Variants in ATXN1 observed in about 807,000 individuals in gnomAD.
ATXN1 encodes ataxin-1.
Under a neutral mutation model 56.4 loss-of-function variants are expected in ATXN1, and 8 were observed. That is an observed-to-expected ratio of 0.14 (90% confidence interval 0.08 to 0.26). The LOEUF (loss-of-function observed/expected upper bound fraction) is 0.26, where lower values mean the gene tolerates loss of function less well. Ranked by LOEUF, ATXN1 falls within the 10% of genes least tolerant of loss-of-function variation. The pLI is 1.00. For synonymous variants in ATXN1, 514 were observed against 494.6 expected (o/e 1.04, Z -0.52); for missense variants, 987 against 1,106.5 (o/e 0.89, Z 1.53).
In ATXN1 at chr6:16,753,248, C is replaced by T. The variant is rs1434465804; in HGVS notation, c.-630G>A. 6.6e-6 allele frequency: 3 copies of T among 456,678 alleles called. No individual in the cohort carries two copies. The highest frequency in any genetic ancestry group is 1.3e-5 in the Non-Finnish European group (3 of 226,994). 28.3% of individuals were successfully genotyped at this position (456,678 alleles called of 1,614,324 possible). On this transcript the variant is annotated 5_prime_UTR_variant, in exon 2 of 8. The change creates a new upstream start codon in the 5' untranslated region. Transcript: ENST00000436367. ...AAACTCTCACCTGACATGTGATGCA[C>T]TTCCCTGTAGTGGCAGTGGAGGAGG... is the stretch of plus-strand genomic sequence containing the variant.
chr6:16,669,667 CTTT>C (rs11356086), intron 2 of ATXN1, among the ~76,000 whole-genome samples: 172 of 113,124 alleles, frequency 1.5e-3, no homozygotes, highest in Non-Finnish European at 2.0e-3. Context: ...ACTGAACAAT[CTTT>C]TTTTTTTTTT....
intron 6 of ATXN1, among the ~76,000 whole-genome samples, chr6:16,474,999 AACC>A (rs1760298772): frequency 6.6e-6 from 1 of 152,224 alleles, no homozygotes; most frequent in African/African-American, 2.4e-5. Context: ...TAGACACGGT[AACC>A]ACATCAAAAT....
chr6:16,710,756 T>A (rs1261768728), intron 2 of ATXN1, among the ~76,000 whole-genome samples: 1 of 144,610 alleles, frequency 6.9e-6, no homozygotes, highest in African/African-American at 2.6e-5. Flanking sequence ...CCCAGCTGAT[T>A]TTTGTATTTT....
At chr6:16,411,459 G>A (rs578028831) in intron 6 of ATXN1, among the ~76,000 whole-genome samples, 2 of 152,176 alleles carry the variant, frequency 1.3e-5, no homozygotes, top group African/African-American at 4.8e-5. Context: ...GCCCAGGGTT[G>A]TTGGTGCCAA....
At chr6:16,590,592 A>G (rs1041160044) in intron 3 of ATXN1, among the ~76,000 whole-genome samples, 2 of 152,192 alleles carry the variant, frequency 1.3e-5, no homozygotes, top group African/African-American at 2.4e-5. Context: ...CCCAAAGCAA[A>G]TCATTTTTCT....
chr6:16,405,208 A>G (rs1177045569), intron 6 of ATXN1, among the ~76,000 whole-genome samples: 4 of 152,246 alleles, frequency 2.6e-5, no homozygotes, highest in Non-Finnish European at 5.9e-5. Context: ...TCACAGGCAC[A>G]AACAACTCTG....
At chr6:16,607,266 T>A (rs890047020) in intron 3 of ATXN1, among the ~76,000 whole-genome samples, 2 of 152,240 alleles carry the variant, frequency 1.3e-5, no homozygotes, top group African/African-American at 4.8e-5. Context: ...AGTTTCTACA[T>A]CTGTGAAGTG....
At chr6:16,739,518 G>A (rs890593669) in intron 2 of ATXN1, 3 of 234,238 alleles carry the variant, frequency 1.3e-5, no homozygotes, top group African/African-American at 2.2e-5. Flanking sequence ...AAATGGATGG[G>A]TGCCTTTTTT....
chr6:16,550,203 C>T (rs1761895790), intron 4 of ATXN1, among the ~76,000 whole-genome samples: 1 of 150,862 alleles, frequency 6.6e-6, no homozygotes, highest in South Asian at 2.1e-4. Flanking sequence ...TATGGACACA[C>T]CCTAGCAAGT....
intron 6 of ATXN1, among the ~76,000 whole-genome samples, chr6:16,373,158 CTGAGACTCATTCTATTCCTGAAAG>C (rs1279483330): frequency 1.3e-5 from 2 of 152,144 alleles, no homozygotes. Flanking sequence ...ACATGTCTGC[CTGAGACTCATTCTATTCCTGAAAG>C]TCTGAAACCA....
chr6:16,621,732 T>C (rs1341285016), intron 3 of ATXN1, among the ~76,000 whole-genome samples: 2 of 151,962 alleles, frequency 1.3e-5, no homozygotes, highest in Non-Finnish European at 2.9e-5. Context: ...AAACAAAGAA[T>C]TAAACAAATG....
rs747883459 is a variant in ATXN1, at chr6:16,326,346, G to A, written c.1917+48C>T. 1 of 1,598,554 alleles carries A rather than the reference G, an allele frequency of 6.3e-7. No homozygotes were observed. Among genetic ancestry groups the A allele is most frequent in the Non-Finnish European group, 8.5e-7 (1 of 1,172,154 alleles). On this transcript the variant is annotated intron_variant, in intron 7 of 7. Coordinates refer to ENST00000436367, the MANE Select transcript of ATXN1 (RefSeq NM_001128164.2). The surrounding 1 kb of genome is among the most constrained non-coding windows in gnomAD (Gnocchi z 6.6). Reference sequence around the variant, plus strand: ...TTCGTCTTGCCAGGAGATGATGATGGCATCACGGTGTGGTGTCCCATCCCT... The same window carrying A: ...TTCGTCTTGCCAGGAGATGATGATGACATCACGGTGTGGTGTCCCATCCCT...
chr6:16,340,269 T>A (rs934640143), intron 6 of ATXN1, among the ~76,000 whole-genome samples: 1 of 152,232 alleles, frequency 6.6e-6, no homozygotes, highest in Non-Finnish European at 1.5e-5. Flanking sequence ...GAGGAACTAA[T>A]AATGAAAGAT....
chr6:16,379,591 T>G (rs955821254), intron 6 of ATXN1, among the ~76,000 whole-genome samples: 1 of 152,192 alleles, frequency 6.6e-6, no homozygotes, highest in African/African-American at 2.4e-5. Context: ...ATTCATTCAT[T>G]CAATAACCAT....
At chr6:16,411,602 G>A (rs1758802441) in intron 6 of ATXN1, among the ~76,000 whole-genome samples, 1 of 152,180 alleles carries the variant, frequency 6.6e-6, no homozygotes, top group Non-Finnish European at 1.5e-5. Flanking sequence ...AGACATTGGG[G>A]AGAAAGAAAG....
At chr6:16,424,295 A>G (rs1282043610) in intron 6 of ATXN1, among the ~76,000 whole-genome samples, 1 of 152,222 alleles carries the variant, frequency 6.6e-6, no homozygotes, top group Non-Finnish European at 1.5e-5. Flanking sequence ...GGGTGTGTGC[A>G]TGCGCATGAA....
chr6:16,534,173 T>C (rs1266275484), intron 4 of ATXN1, among the ~76,000 whole-genome samples: 3 of 152,040 alleles, frequency 2.0e-5, no homozygotes, highest in Non-Finnish European at 4.4e-5. Context: ...TACATTTGAA[T>C]CATGCACTTT....
chr6:16,605,014 G>T (rs1762978651), intron 3 of ATXN1, among the ~76,000 whole-genome samples: 1 of 152,178 alleles, frequency 6.6e-6, no homozygotes, highest in Admixed American at 6.5e-5. Context: ...ACAAGAGAAA[G>T]TGTTAAACAC....
chr6:16,380,545 G>A (rs189597554), intron 6 of ATXN1, among the ~76,000 whole-genome samples: 3 of 151,588 alleles, frequency 2.0e-5, no homozygotes, highest in East Asian at 1.9e-4. Flanking sequence ...CAAAACTAAC[G>A]TGGCATTCAG....
Sources: allele counts gnomAD v4.1 joint callset (sites outside exome capture counted in the v4.1 genomes callset), GRCh38; gene constraint gnomAD v4.1.1; non-coding constraint Gnocchi (gnomAD v3.1); transcripts MANE v1.5; gene names NCBI Gene and HGNC (gene_info 2026-07-23, HGNC 2026-07-21).